Variants in BTBD9 observed in about 807,000 individuals in gnomAD.
BTBD9 encodes the protein BTB domain containing 9.
In BTBD9, 49 loss-of-function variants were observed where a neutral mutation model predicts 64.3. The ratio of observed to expected loss-of-function variants is 0.76; its 90% CI spans 0.61 to 0.97. The LOEUF (loss-of-function observed/expected upper bound fraction) is 0.97, where lower values mean the gene tolerates loss of function less well. BTBD9 is among the 50% of genes least tolerant of loss of function. BTBD9 has a pLI of 0.00. For synonymous variants in BTBD9, 260 were observed against 274.7 expected, an observed-to-expected ratio of 0.95 and a Z score of 0.53; for missense variants, 598 against 762.1, an observed-to-expected ratio of 0.78 and a Z score of 2.53.
chr6:38,577,802 GT>G, intron 5 of BTBD9, 83 bp from the exon 6 acceptor site: 5 of 1,255,452 alleles, frequency 4.0e-6, no homozygotes, highest in Non-Finnish European at 5.5e-6. Flanking sequence ...GTGTTAAAAG[GT>G]ACAAAAAATA....
intron 10 of BTBD9, among the ~76,000 whole-genome samples, chr6:38,176,585 C>T (rs1761261920): frequency 6.6e-6 from 1 of 152,144 alleles, no homozygotes; most frequent in Admixed American, 6.5e-5. Flanking sequence ...TCTTTCCTTC[C>T]TTCCTTTTTT....
intron 8 of BTBD9, among the ~76,000 whole-genome samples, chr6:38,271,406 A>C (rs1229399148): frequency 6.6e-6 from 1 of 152,182 alleles, no homozygotes; most frequent in Admixed American, 6.5e-5. Flanking sequence ...TATTATTATT[A>C]TTCACATTTT....
chr6:38,390,517 A>G (rs1189388950), intron 6 of BTBD9, among the ~76,000 whole-genome samples: 1 of 152,246 alleles, frequency 6.6e-6, no homozygotes, highest in Non-Finnish European at 1.5e-5. Context: ...AAACAATAAC[A>G]GCTAATGTTC....
At chr6:38,380,420 C>A (rs774331583) in intron 6 of BTBD9, among the ~76,000 whole-genome samples, 37 of 152,128 alleles carry the variant, frequency 2.4e-4, no homozygotes, top group Non-Finnish European at 4.3e-4. Context: ...CTAGATAAAA[C>A]AATAATATTG....
rs140113797 is a variant in BTBD9, at chr6:38,387,130, A to T, written c.1155-42037T>A. On this transcript the variant is annotated intron_variant, in intron 6 of 10. Coordinates refer to ENST00000481247, the MANE Select transcript of BTBD9 (RefSeq NM_001099272.2). ...TTTACTCTTGGACATTCACCTTCCT[A>T]CAAACTTCAAATTAAACAATCAAAT... Among the ~76,000 whole-genome samples, 546 of 152,374 alleles carry T rather than the reference A, an allele frequency of 3.6e-3. 3 individuals carry two copies. Among genetic ancestry groups the T allele is most frequent in the South Asian group, 0.031 (150 of 4,828 alleles).
rs548161665 is a variant in BTBD9, at chr6:38,172,552, G to A, written c.*2433C>T. ...AGCCTGGGAAAGGAGGTGAACCCGT[G>A]TCCTTTTGGAGTCCAGGGCAGGCTC... On this transcript the variant is annotated 3_prime_UTR_variant, in exon 11 of 11. Transcript: ENST00000481247. 1 of 152,436 alleles carries A rather than the reference G, an allele frequency of 6.6e-6. No homozygotes were observed. Among genetic ancestry groups the A allele is most frequent in the South Asian group, 2.1e-4 (1 of 4,838 alleles). 9.4% of individuals were successfully genotyped at this position (152,436 alleles called of 1,614,324 possible). A position where few individuals can be genotyped will look rare whatever the true frequency, so the allele number is the denominator to read the frequency against.
At chr6:38,352,421 T>C (rs1764557246) in intron 6 of BTBD9, among the ~76,000 whole-genome samples, 1 of 150,938 alleles carries the variant, frequency 6.6e-6, no homozygotes, top group Non-Finnish European at 1.5e-5. Context: ...CTAAGCCCCA[T>C]GAGGAATCGG....
At chr6:38,436,446 G>A (rs1768745062) in intron 6 of BTBD9, among the ~76,000 whole-genome samples, 2 of 148,254 alleles carry the variant, frequency 1.3e-5, no homozygotes, top group African/African-American at 5.0e-5. Context: ...CACGATCTCG[G>A]CTCACTGCAA....
intron 6 of BTBD9, among the ~76,000 whole-genome samples, chr6:38,387,493 C>T (rs539163074): frequency 3.9e-5 from 6 of 152,168 alleles, no homozygotes; most frequent in South Asian, 2.1e-4. Flanking sequence ...GCTGAGATCA[C>T]GCCACTGCAC....
chr6:38,484,294 A>C (rs1235405972), intron 6 of BTBD9, among the ~76,000 whole-genome samples: 1 of 152,198 alleles, frequency 6.6e-6, no homozygotes, highest in African/African-American at 2.4e-5. Context: ...TGTTTTTTAA[A>C]TGTCTAATGA....
At chr6:38,466,347 C>G (rs1362243370) in intron 6 of BTBD9, among the ~76,000 whole-genome samples, 1 of 120,816 alleles carries the variant, frequency 8.3e-6, no homozygotes, top group African/African-American at 3.2e-5. Context: ...GGCTGGAGTG[C>G]AATGGAGCTA....
At chr6:38,364,934 A>G (rs1765128437) in intron 6 of BTBD9, among the ~76,000 whole-genome samples, 1 of 152,166 alleles carries the variant, frequency 6.6e-6, no homozygotes, top group South Asian at 2.1e-4. Flanking sequence ...TTTTGTGTAA[A>G]TGAATCACAT....
At chr6:38,296,185 C>A (rs868309935) in intron 7 of BTBD9, among the ~76,000 whole-genome samples, 3 of 151,716 alleles carry the variant, frequency 2.0e-5, no homozygotes, top group Admixed American at 6.6e-5. Flanking sequence ...TCCTCTTCTC[C>A]CCCTCCTTTT....
intron 6 of BTBD9, among the ~76,000 whole-genome samples, chr6:38,561,617 A>C (rs1205996127): frequency 6.6e-6 from 1 of 152,190 alleles, no homozygotes. Flanking sequence ...CACAGCCATA[A>C]AAAAGAATGA....
intron 9 of BTBD9, among the ~76,000 whole-genome samples, chr6:38,209,254 C>T (rs1582053578): frequency 1.3e-5 from 2 of 152,256 alleles, no homozygotes; most frequent in East Asian, 3.9e-4. Context: ...CGAGTGTCTA[C>T]CCCAGCCTTA....
chr6:38,480,298 T>C (rs1392306734), intron 6 of BTBD9, among the ~76,000 whole-genome samples: 19 of 152,196 alleles, frequency 1.2e-4, no homozygotes. Context: ...TCTTGTGGGC[T>C]GAGAGACAGC....
chr6:38,191,970 G>C (rs910242341), intron 10 of BTBD9, among the ~76,000 whole-genome samples: 2 of 152,228 alleles, frequency 1.3e-5, no homozygotes, highest in Non-Finnish European at 2.9e-5. Context: ...GCATAAATCT[G>C]AGAAAGATCA....
chr6:38,533,751 A>G (rs1367112866), intron 6 of BTBD9, among the ~76,000 whole-genome samples: 3 of 152,220 alleles, frequency 2.0e-5, no homozygotes, highest in Admixed American at 2.0e-4. Context: ...AAAACTACAC[A>G]AACACATGCA....
intron 6 of BTBD9, among the ~76,000 whole-genome samples, chr6:38,370,705 A>T (rs1765383969): frequency 6.6e-6 from 1 of 152,222 alleles, no homozygotes; most frequent in African/African-American, 2.4e-5. Context: ...TTTTATAGGA[A>T]ATAATAAAGA....
Sources: gnomAD v4.1 joint callset for allele counts (sites outside exome capture counted in the v4.1 genomes callset) on GRCh38, gnomAD v4.1.1 for gene constraint, MANE v1.5 for transcripts, NCBI Gene and HGNC (gene_info 2026-07-23, HGNC 2026-07-21) for gene names.